Variants in CACNA2D3 observed in about 807,000 individuals in gnomAD.
CACNA2D3 encodes the protein voltage-dependent calcium channel subunit alpha-2/delta-3.
In CACNA2D3, 60 loss-of-function variants were observed where a neutral mutation model predicts 160.6. That is an observed-to-expected ratio of 0.37 (90% CI 0.30 to 0.46). The LOEUF (loss-of-function observed/expected upper bound fraction) is 0.46, where lower values mean the gene tolerates loss of function less well. Ranked by LOEUF, CACNA2D3 falls within the 20% of genes least tolerant of loss-of-function variation. The probability of loss-of-function intolerance (pLI) is 1.00; values close to 1 mark genes in which losing one functional copy is unlikely to be tolerated. For synonymous variants in CACNA2D3, 558 were observed against 492.9 expected (o/e 1.13, Z -1.75); for missense variants, 1,205 against 1,365.0 (o/e 0.88, Z 1.85).
chr3:54,811,752 C>T (rs763348817), intron 13 of CACNA2D3, among the ~76,000 whole-genome samples: 9 of 152,136 alleles, frequency 5.9e-5, no homozygotes, highest in Non-Finnish European at 8.8e-5. Context: ...CTGCTCACCT[C>T]GGCCTCCCAA....
intron 11 of CACNA2D3, among the ~76,000 whole-genome samples, chr3:54,692,830 C>T (rs1225006177): frequency 6.6e-6 from 1 of 152,196 alleles, no homozygotes; most frequent in African/African-American, 2.4e-5. Flanking sequence ...ATGTCTCTGC[C>T]TTGGCAATTC....
chr3:54,682,709 CTATTT>C (rs1700377561), intron 11 of CACNA2D3, among the ~76,000 whole-genome samples: 2 of 152,164 alleles, frequency 1.3e-5, no homozygotes, highest in South Asian at 4.1e-4. Context: ...TAAATATACT[CTATTT>C]TATAAATACA....
At chr3:54,162,766 C>T (rs532051501) in intron 2 of CACNA2D3, among the ~76,000 whole-genome samples, 1 of 152,270 alleles carries the variant, frequency 6.6e-6, no homozygotes, top group African/African-American at 2.4e-5. Flanking sequence ...ATCTATTGAG[C>T]ACCTGTAATG....
chr3:54,942,322 T>G (rs967923310), intron 27 of CACNA2D3, among the ~76,000 whole-genome samples: 1 of 152,166 alleles, frequency 6.6e-6, no homozygotes, highest in South Asian at 2.1e-4. Flanking sequence ...GCCCAAGAAG[T>G]AGGGGCTGAC....
At chr3:54,602,679 T>C (rs1334810373) in intron 9 of CACNA2D3, among the ~76,000 whole-genome samples, 1 of 152,142 alleles carries the variant, frequency 6.6e-6, no homozygotes, top group Non-Finnish European at 1.5e-5. Flanking sequence ...TATGTTCTCT[T>C]TTCTACCTGT....
At chr3:54,503,098 A>G (rs537273378) in intron 4 of CACNA2D3, among the ~76,000 whole-genome samples, 13 of 152,364 alleles carry the variant, frequency 8.5e-5, no homozygotes, top group South Asian at 2.1e-4. Flanking sequence ...CATAGCAAGC[A>G]TGATGATCTG....
intron 34 of CACNA2D3, among the ~76,000 whole-genome samples, chr3:55,018,003 A>G (rs530489941): frequency 4.6e-5 from 7 of 152,328 alleles, no homozygotes; most frequent in Admixed American, 3.3e-4. Flanking sequence ...CAGCCAACAC[A>G]ACTGTTGGAG....
chr3:54,404,680 G>T (rs1308962676), intron 4 of CACNA2D3, among the ~76,000 whole-genome samples: 3 of 152,038 alleles, frequency 2.0e-5, no homozygotes, highest in Admixed American at 1.3e-4. Context: ...GGGAACAAAA[G>T]AAGTAAAATT....
intron 14 of CACNA2D3, among the ~76,000 whole-genome samples, chr3:54,826,303 G>T (rs112344328): frequency 2.6e-5 from 4 of 152,126 alleles, no homozygotes; most frequent in African/African-American, 9.7e-5. Flanking sequence ...TCATGCCAAA[G>T]GATTCAACTG....
intron 4 of CACNA2D3, among the ~76,000 whole-genome samples, chr3:54,474,047 G>C (rs112943777): frequency 9.3e-4 from 141 of 152,096 alleles, no homozygotes; most frequent in African/African-American, 3.2e-3. Context: ...CCCATTACTG[G>C]GTATATACCC....
At chr3:54,162,972 G>T (rs913855043) in intron 2 of CACNA2D3, among the ~76,000 whole-genome samples, 2 of 152,192 alleles carry the variant, frequency 1.3e-5, no homozygotes, top group Non-Finnish European at 2.9e-5. Context: ...AGTTAGAGAA[G>T]CCTCACTGAT....
chr3:55,054,576 A>C (rs1270482691), intron 35 of CACNA2D3, among the ~76,000 whole-genome samples: 1 of 149,350 alleles, frequency 6.7e-6, no homozygotes, highest in Non-Finnish European at 1.5e-5. Flanking sequence ...AGTTTAATTA[A>C]TATATAAATA....
chr3:54,989,445 A>T (rs1221219465), intron 31 of CACNA2D3, among the ~76,000 whole-genome samples: 1 of 152,190 alleles, frequency 6.6e-6, no homozygotes, highest in African/African-American at 2.4e-5. Context: ...AACTGCTGTC[A>T]TCCAGGAGCA....
At chr3:54,968,568 C>T in intron 28 of CACNA2D3, 57 bp downstream of exon 28, 1 of 1,307,058 alleles carries the variant, frequency 7.7e-7, no homozygotes, top group Non-Finnish European at 1.1e-6. Flanking sequence ...ACAGGTGTTC[C>T]CATTTGGGTA....
intron 11 of CACNA2D3, among the ~76,000 whole-genome samples, chr3:54,644,656 C>T (rs535352600): frequency 6.6e-6 from 1 of 152,200 alleles, no homozygotes; most frequent in Non-Finnish European, 1.5e-5. Context: ...GATCTCAAGG[C>T]TGGAATGTGA....
At chr3:54,473,795 A>G (rs1249498041) in intron 4 of CACNA2D3, among the ~76,000 whole-genome samples, 1 of 152,208 alleles carries the variant, frequency 6.6e-6, no homozygotes, top group Admixed American at 6.5e-5. Context: ...GCTCATCATC[A>G]CTGATCATTA....
At chr3:54,868,284 C>A (rs1403625796) in intron 17 of CACNA2D3, among the ~76,000 whole-genome samples, 1 of 152,070 alleles carries the variant, frequency 6.6e-6, no homozygotes, top group Non-Finnish European at 1.5e-5. Context: ...TGTTTCATAC[C>A]CATTTTACGT....
intron 9 of CACNA2D3, among the ~76,000 whole-genome samples, chr3:54,605,882 TTGA>T (rs972258734): frequency 1.3e-5 from 2 of 152,204 alleles, no homozygotes; most frequent in African/African-American, 4.8e-5. Flanking sequence ...TCATATGAAT[TTGA>T]TGATATTTGC....
At chr3:54,710,926 G>A (rs1034622103) in intron 11 of CACNA2D3, among the ~76,000 whole-genome samples, 3 of 152,188 alleles carry the variant, frequency 2.0e-5, no homozygotes, top group Admixed American at 6.5e-5. Context: ...GCCCAGCTGA[G>A]GAGGCAATTT....
Sources: allele counts gnomAD v4.1 joint callset (sites outside exome capture counted in the v4.1 genomes callset), GRCh38; gene constraint gnomAD v4.1.1; transcripts MANE v1.5; gene names NCBI Gene and HGNC (gene_info 2026-07-23, HGNC 2026-07-21).